Variants in CARNS1 observed in about 807,000 individuals in gnomAD.
The protein encoded by CARNS1 is ATP-grasp domain containing 1.
In CARNS1, 61 loss-of-function variants were observed where a neutral mutation model predicts 74.0. The ratio of observed to expected loss-of-function variants is 0.82; its 90% CI spans 0.67 to 1.02. CARNS1 has a LOEUF of 1.02. Ranked by LOEUF, CARNS1 falls within the 50% of genes least tolerant of loss-of-function variation. The pLI is 0.00. For synonymous variants in CARNS1, 568 were observed against 605.5 expected (o/e 0.94, Z 0.91); for missense variants, 1,278 against 1,308.4 (o/e 0.98, Z 0.36).
chr11:67,420,557 G>A, intron 7 of CARNS1, 52 bp from the exon 8 acceptor site: 1 of 1,139,812 alleles, frequency 8.8e-7, no homozygotes, highest in Non-Finnish European at 1.1e-6. Context: ...GTGGGGGTGT[G>A]CGTGGGGGGC....
Position 67,420,750 on chromosome 11 carries a change from GC to G in CARNS1, c.1257del (p.Glu420ArgfsTer14). 1 of 1,247,340 alleles carries G rather than the reference GC, an allele frequency of 8.0e-7. No homozygotes were observed. Among genetic ancestry groups the G allele is most frequent in the Non-Finnish European group, 1.0e-6 (1 of 999,310 alleles). The allele number at this position is 1,247,340 out of a possible 1,614,324, so 77.3% of individuals were successfully genotyped here. ...AAVRQRVKAA[A>X]EAALAAVLAL... is the part of the protein sequence containing the mutation. ...TGTGCGGCAGCGCGTCAAGGCGGCG[GC>G]CGAGGCCGCGCTGGCCGCCGTGCTG... On this transcript the variant is annotated frameshift_variant, in exon 8 of 10. Transcript: ENST00000687366. LOFTEE classifies it high-confidence loss of function.
At chr11:67,418,729 C>A in intron 4 of CARNS1, 27 bp from the exon 5 acceptor site, 2 of 1,542,454 alleles carry the variant, frequency 1.3e-6, no homozygotes, top group Non-Finnish European at 8.8e-7. Context: ...CCTTCCCTGG[C>A]CAGCCACTTG....
Position 67,423,537 on chromosome 11 carries a change from T to C in CARNS1, c.1789T>C (p.Trp597Arg), listed in dbSNP as rs1338069041. Residue 597 changes from tryptophan (W) to arginine (R), a missense_variant, in exon 10 of 10, where the codon TGG becomes CGG. By Grantham distance (101) the Trp-to-Arg change is moderately radical (BLOSUM62 -3). Transcript: ENST00000687366. This position sits in a 1 kb window ranked among gnomAD's most constrained non-coding sequence, Gnocchi z 5.1. Reference protein sequence around the residue: ...GLKLDGCFSYWDDCLVLTALL... With the variant: ...GLKLDGCFSYRDDCLVLTALL... Reference sequence around the variant, plus strand: ...CAAGCTAGATGGCTGCTTCTCCTACTGGGATGACTGCCTGGTGCTCACAGC... The same window carrying C: ...CAAGCTAGATGGCTGCTTCTCCTACCGGGATGACTGCCTGGTGCTCACAGC... 1 of 1,613,052 alleles carries C rather than the reference T, an allele frequency of 6.2e-7. No individual in the cohort carries two copies.
rs1863619180 is a variant in CARNS1, at chr11:67,418,998, T to C, written c.607T>C (p.Ser203Pro). ...ARDLTCPTGASAELARLLEDR... is the reference protein window; with the variant it reads ...ARDLTCPTGAPAELARLLEDR... ...TGACCTGACCTGCCCCACAGGAGCT[T>C]CGGCTGAGCTGGCCCGGCTGCTGGA... Residue 203 changes from serine (S) to proline (P), a missense_variant, in exon 5 of 10, where the codon TCG becomes CCG. Transcript: ENST00000687366. 1 of 1,562,002 alleles carries C rather than the reference T, an allele frequency of 6.4e-7. No individual in the cohort carries two copies. The highest frequency in any genetic ancestry group is 1.4e-5 in the African/African-American group (1 of 73,506).
In CARNS1 at chr11:67,423,938, C is replaced by T; in HGVS notation, c.2190C>T (p.Gly730=). 1 of 1,613,596 alleles carries T rather than the reference C, an allele frequency of 6.2e-7. No homozygotes were observed. Among genetic ancestry groups the T allele is most frequent in the South Asian group, 1.1e-5 (1 of 91,078 alleles). Residue 730 remains glycine (G), a synonymous_variant, in exon 10 of 10, where the codon GGC becomes GGT. Coordinates refer to ENST00000687366, the MANE Select transcript of CARNS1 (RefSeq NM_001166222.2). This position sits in a 1 kb window ranked among gnomAD's most constrained non-coding sequence, Gnocchi z 5.1. The stretch of plus-strand genomic sequence containing the variant: ...TGCTGCTGATGGAGTTTGTGGAGGG[C>T]ACCGAGCACGACGTGGACCTGGTGT... ...NAMLLMEFVE[G]TEHDVDLVLF... is the part of the protein sequence containing the mutation.
Position 67,419,531 on chromosome 11 carries a change from A to T in CARNS1, c.897A>T (p.Ala299=). ...LSGWRWRGRQ[A]WRLHPRAELG... Reference sequence around the variant, plus strand: ...GCTGGCGCTGGCGGGGGCGGCAGGCATGGCGTCTGCACCCGCGGGCAGAGC... The same window carrying T: ...GCTGGCGCTGGCGGGGGCGGCAGGCTTGGCGTCTGCACCCGCGGGCAGAGC... The change falls in exon 6 of 10, where the codon GCA becomes GCT. Residue 299 remains alanine, a synonymous_variant. Coordinates refer to ENST00000687366, the MANE Select transcript of CARNS1 (RefSeq NM_001166222.2). The T allele has an allele frequency of 6.2e-7, 1 of 1,609,588 alleles. No homozygotes were observed. The highest frequency in any genetic ancestry group is 1.3e-5 in the African/African-American group (1 of 75,020).
rs751690982 is a variant in CARNS1, at chr11:67,421,153, G to A, written c.1560G>A (p.Leu520=). The change falls in exon 9 of 10, where the codon CTG becomes CTA. Residue 520 remains leucine (L), a synonymous_variant. Transcript: ENST00000687366. The stretch of plus-strand genomic sequence containing the variant: ...GCCTCATGGAGGGAAAACAGCTGCT[G>A]GTGGTCGGCGCTGGCGGCGTCAGCA... The part of the protein sequence containing the change: ...ARCLMEGKQL[L]VVGAGGVSKK... 2.4e-5 allele frequency: 36 copies of A among 1,493,340 alleles called. No homozygotes were observed. The highest frequency in any genetic ancestry group is 3.0e-5 in the Non-Finnish European group (34 of 1,127,878). The allele number at this position is 1,493,340 out of a possible 1,614,324, so 92.5% of individuals were successfully genotyped here. A position where few individuals can be genotyped will look rare whatever the true frequency, so the allele number is the denominator to read the frequency against.
chr11:67,419,324 A>C lies in CARNS1; in HGVS notation c.852+81A>C, dbSNP rs562949242. The C allele has an allele frequency of 7.5e-6, 11 of 1,466,644 alleles. No individual in the cohort carries two copies. The African/African-American group carries it at 1.1e-4, about 15-fold the overall frequency. 90.9% of individuals were successfully genotyped at this position (1,466,644 alleles called of 1,614,324 possible). A position where few individuals can be genotyped will look rare whatever the true frequency, so the allele number is the denominator to read the frequency against. ...AGGCACGGTTACCAAGTCTGGCTGG[A>C]AAGGTGTCCCTACCTCTTAGCCCTG... On this transcript the variant is annotated intron_variant, in intron 5 of 9. Coordinates refer to ENST00000687366, the MANE Select transcript of CARNS1 (RefSeq NM_001166222.2).
intron 2 of CARNS1, chr11:67,416,932 A>C (rs1863558599): frequency 1.0e-6 from 1 of 988,116 alleles, no homozygotes; most frequent in Non-Finnish European, 1.2e-6. Flanking sequence ...TTTAGGTGTC[A>C]GCACACTCCA....
Position 67,423,274 on chromosome 11 carries a change from T to C in CARNS1, c.1627-101T>C. 3.4e-6 allele frequency: 4 copies of C among 1,162,052 alleles called. No homozygotes were observed. Among genetic ancestry groups the C allele is most frequent in the Non-Finnish European group, 3.7e-6 (3 of 814,636 alleles). The allele number at this position is 1,162,052 out of a possible 1,614,324, so 72.0% of individuals were successfully genotyped here. On this transcript the variant is annotated intron_variant, in intron 9 of 9. Transcript: ENST00000687366. The surrounding 1 kb of genome is among the most constrained non-coding windows in gnomAD (Gnocchi z 5.1). ...ACATTTATTGAGCACCTAGTGTTTG[T>C]GTACTCGTATCCCCTGAAGGGGCCA...
chr11:67,419,268 G>C lies in CARNS1; in HGVS notation c.852+25G>C, dbSNP rs986414731. Reference sequence around the variant, plus strand: ...GGTAACAGACTCTCGCCCACCCTGAGGTCTGTACAGATGCCAGCAGGATGG... The same window carrying C: ...GGTAACAGACTCTCGCCCACCCTGACGTCTGTACAGATGCCAGCAGGATGG... On this transcript the variant is annotated intron_variant, in intron 5 of 9. Transcript: ENST00000687366. 5.4e-6 allele frequency: 8 copies of C among 1,471,918 alleles called. No homozygotes were observed. In the Admixed American group the frequency reaches 7.3e-5, roughly 13 times the overall value. The allele number at this position is 1,471,918 out of a possible 1,614,324, so 91.2% of individuals were successfully genotyped here.
chr11:67,418,982 C>A lies in CARNS1; in HGVS notation c.591C>A (p.Thr197=), dbSNP rs756336914. 3.9e-5 allele frequency: 61 copies of A among 1,565,684 alleles called. No homozygotes were observed. The East Asian group carries it at 1.3e-3, about 34-fold the overall frequency. The change falls in exon 5 of 10, where the codon ACC becomes ACA. Residue 197 remains threonine (T), a synonymous_variant. Coordinates refer to ENST00000687366, the MANE Select transcript of CARNS1 (RefSeq NM_001166222.2). ...REAAELARDL[T]CPTGASAELA... Reference sequence around the variant, plus strand: ...CAGCAGAACTCGCCCGTGACCTGACCTGCCCCACAGGAGCTTCGGCTGAGC... The same window carrying A: ...CAGCAGAACTCGCCCGTGACCTGACATGCCCCACAGGAGCTTCGGCTGAGC...
Position 67,424,892 on chromosome 11 carries a change from C to CACA in CARNS1, c.*291_*292insACA. On this transcript the variant is annotated 3_prime_UTR_variant, in exon 10 of 10. Coordinates refer to ENST00000687366, the MANE Select transcript of CARNS1 (RefSeq NM_001166222.2). ...ACACACACACACACACACACACACA[C>CACA]CTCTGACGCCAGCTCCCCAGGTGGG... 2.1e-5 allele frequency: 13 copies of CACA among 610,582 alleles called. No individual in the cohort carries two copies. Among genetic ancestry groups the CACA allele is most frequent in the Admixed American group, 4.3e-5 (2 of 46,450 alleles). 37.8% of individuals were successfully genotyped at this position (610,582 alleles called of 1,614,324 possible).
rs371047026 is a variant in CARNS1, at chr11:67,419,584, C to T, written c.950C>T (p.Ala317Val). 9.3e-6 allele frequency: 15 copies of T among 1,605,888 alleles called. No individual in the cohort carries two copies. Among genetic ancestry groups the T allele is most frequent in the Non-Finnish European group, 8.5e-6 (10 of 1,177,920 alleles). The change falls in exon 6 of 10, where the codon GCG becomes GTG. Residue 317 changes from alanine to valine, a missense_variant. By Grantham distance (64) the Ala-to-Val change is moderately conservative. This residue lies in a region of CARNS1 where 1,164 missense variants were observed against 1,156.5 expected (regional missense o/e 1.01). Transcript: ENST00000687366. ...ELGAVVDTVL[A>V]LLEKLEEEES... ...GGTGCAGTGGTGGACACAGTGCTGG[C>T]GCTGCTGGAGAAGCTGGAGGAGGAG...
rs376861093 is a variant in CARNS1, at chr11:67,417,581, C to T, written c.178C>T (p.Arg60Trp). The change falls in exon 3 of 10, where the codon CGG (arginine) becomes TGG (tryptophan). Residue 60 changes from arginine (R) to tryptophan (W), a missense_variant. Transcript: ENST00000687366. Reference sequence around the variant, plus strand: ...GGGATCCCCCGAGGGGGCCGAGGCCCGGGCTTGGACTGTCTACTACTACAG... The same window carrying T: ...GGGATCCCCCGAGGGGGCCGAGGCCTGGGCTTGGACTGTCTACTACTACAG... ...CKGSPEGAEA[R>W]AWTVYYYSLL... is the part of the protein sequence containing the mutation. The T allele has an allele frequency of 8.1e-6, 11 of 1,355,242 alleles. No homozygotes were observed. The highest frequency in any genetic ancestry group is 3.0e-5 in the African/African-American group (2 of 65,936). The allele number at this position is 1,355,242 out of a possible 1,614,324, so 84.0% of individuals were successfully genotyped here. A position where few individuals can be genotyped will look rare whatever the true frequency, so the allele number is the denominator to read the frequency against.
intron 6 of CARNS1, 41 bp from the exon 7 acceptor site, chr11:67,419,712 G>A: frequency 1.3e-6 from 2 of 1,590,908 alleles, no homozygotes; most frequent in South Asian, 1.1e-5. Context: ...TGGCCTTCTG[G>A]CCACTCTGTG....
At position 67,423,428 on chromosome 11, in the gene CARNS1, C is replaced by T. The variant is rs755494402; in HGVS notation, c.1680C>T (p.Thr560=). ...ACTTTGCATCCCAGTTGGTACAGAC[C>T]TTCATCCACTTTGACATGACAGAGC... ...PNHFASQLVQ[T]FIHFDMTEHR... Residue 560 remains threonine, a synonymous_variant, in exon 10 of 10, where the codon ACC becomes ACT. Transcript: ENST00000687366. The surrounding 1 kb of genome is among the most constrained non-coding windows in gnomAD (Gnocchi z 5.1). 2.1e-5 allele frequency: 34 copies of T among 1,613,716 alleles called. No individual in the cohort carries two copies. The Admixed American group carries it at 5.2e-4, about 25-fold the overall frequency.
chr11:67,418,459 C>A lies in CARNS1; in HGVS notation c.303C>A (p.Cys101Ter). 1 of 1,467,274 alleles carries A rather than the reference C, an allele frequency of 6.8e-7. No individual in the cohort carries two copies. Among genetic ancestry groups the A allele is most frequent in the Non-Finnish European group, 9.0e-7 (1 of 1,112,964 alleles). 90.9% of individuals were successfully genotyped at this position (1,467,274 alleles called of 1,614,324 possible). ...TGCPGAEVTL[C>*]VLGSPSTFLP... ...GTCCTGGGGCGGAGGTGACCTTGTGCGTTCTGGGCTCCCCCAGCACCTTTC... is the reference window on the plus strand; with the variant it reads ...GTCCTGGGGCGGAGGTGACCTTGTGAGTTCTGGGCTCCCCCAGCACCTTTC... The change falls in exon 4 of 10, where the codon TGC (cysteine) becomes TGA (stop). Residue 101 changes from cysteine to a stop codon, truncating the protein, a stop_gained. Coordinates refer to ENST00000687366, the MANE Select transcript of CARNS1 (RefSeq NM_001166222.2). LOFTEE classifies it high-confidence loss of function.
At position 67,423,526 on chromosome 11, in the gene CARNS1, G is replaced by C; in HGVS notation, c.1778G>C (p.Cys593Ser). 1 of 1,613,538 alleles carries C rather than the reference G, an allele frequency of 6.2e-7. No individual in the cohort carries two copies. Among genetic ancestry groups the C allele is most frequent in the Non-Finnish European group, 8.5e-7 (1 of 1,179,662 alleles). Reference sequence around the variant, plus strand: ...GCTCGCGGCCTCAAGCTAGATGGCTGCTTCTCCTACTGGGATGACTGCCTG... The same window carrying C: ...GCTCGCGGCCTCAAGCTAGATGGCTCCTTCTCCTACTGGGATGACTGCCTG... ...VRARGLKLDG[C>S]FSYWDDCLVL... The change falls in exon 10 of 10, where the codon TGC (cysteine) becomes TCC (serine). Residue 593 changes from cysteine (C) to serine (S), a missense_variant. Physicochemically the swap from Cys to Ser is moderately radical, Grantham distance 112. Transcript: ENST00000687366. This position sits in a 1 kb window ranked among gnomAD's most constrained non-coding sequence, Gnocchi z 5.1.
Sources: gnomAD v4.1 joint callset for allele counts on GRCh38, gnomAD v4.1.1 for gene constraint, gnomAD v4.1.1 regional missense constraint, Gnocchi (gnomAD v3.1) non-coding constraint, MANE v1.5 for transcripts, NCBI Gene and HGNC (gene_info 2026-07-23, HGNC 2026-07-21) for gene names.